The following WWOX variants were observed in gnomAD, a reference collection of about 807,000 sequenced individuals.
The protein encoded by WWOX is WW domain-containing oxidoreductase.
A neutral mutation model predicts 46.2 loss-of-function variants in WWOX; 69 were observed. That is an observed-to-expected ratio of 1.49 (90% CI 1.23 to 1.82). The LOEUF (loss-of-function observed/expected upper bound fraction) is 1.82. Ranked by LOEUF, WWOX falls within the 40% of genes most tolerant of loss-of-function variation. The pLI is 0.00. For missense variants in WWOX, 919 were observed against 542.6 expected, an observed-to-expected ratio of 1.69 and a Z score of -6.89; for synonymous variants, 359 against 202.6, an observed-to-expected ratio of 1.77 and a Z score of -6.56.
chr16:78,487,082 G>T (rs112059584), intron 8 of WWOX, among the ~76,000 whole-genome samples: 4 of 152,122 alleles, frequency 2.6e-5, no homozygotes, highest in East Asian at 3.9e-4. Flanking sequence ...TGATATTAAG[G>T]ACAACAGTAT....
intron 4 of WWOX, among the ~76,000 whole-genome samples, chr16:78,149,017 G>T (rs1883713722): frequency 6.6e-6 from 1 of 150,644 alleles, no homozygotes; most frequent in African/African-American, 2.4e-5. Context: ...TTTTGAGACA[G>T]AATCTGCTCC....
At chr16:78,938,426 C>G (rs1013253241) in intron 8 of WWOX, among the ~76,000 whole-genome samples, 1 of 151,662 alleles carries the variant, frequency 6.6e-6, no homozygotes, top group African/African-American at 2.4e-5. Context: ...AGCTTGAGGA[C>G]CTTTGTGTGA....
intron 5 of WWOX, among the ~76,000 whole-genome samples, chr16:78,176,894 A>T (rs1370577150): frequency 2.6e-5 from 4 of 152,208 alleles, no homozygotes; most frequent in African/African-American, 4.8e-5. Flanking sequence ...GTGGTGTTTC[A>T]TTGATTAAAC....
At chr16:78,528,084 T>C (rs1289853796) in intron 8 of WWOX, among the ~76,000 whole-genome samples, 1 of 141,398 alleles carries the variant, frequency 7.1e-6, no homozygotes, top group Non-Finnish European at 1.5e-5. Flanking sequence ...CTGCAAGTTC[T>C]GCCTCCTGGG....
intron 8 of WWOX, among the ~76,000 whole-genome samples, chr16:78,901,033 A>G (rs2044818997): frequency 6.6e-6 from 1 of 152,202 alleles, no homozygotes. Flanking sequence ...AGAATGGACC[A>G]CTGCTCTCTT....
At chr16:78,499,858 AC>A in intron 8 of WWOX, among the ~76,000 whole-genome samples, 1 of 152,020 alleles carries the variant, frequency 6.6e-6, no homozygotes, top group East Asian at 1.9e-4. Context: ...CATGCCATGG[AC>A]CCCTCCCTTA....
At chr16:78,824,739 G>A (rs1021333044) in intron 8 of WWOX, among the ~76,000 whole-genome samples, 3 of 152,056 alleles carry the variant, frequency 2.0e-5, no homozygotes, top group African/African-American at 4.8e-5. Flanking sequence ...AGGAAAGACC[G>A]GCCCACATGA....
intron 8 of WWOX, among the ~76,000 whole-genome samples, chr16:79,048,545 G>T (rs1597323485): frequency 6.6e-6 from 1 of 152,006 alleles, no homozygotes; most frequent in East Asian, 1.9e-4. Flanking sequence ...GGTATCAATT[G>T]TTTGGCTAAA....
At chr16:79,057,083 A>G (rs904954947) in intron 8 of WWOX, among the ~76,000 whole-genome samples, 1 of 152,234 alleles carries the variant, frequency 6.6e-6, no homozygotes, top group African/African-American at 2.4e-5. Flanking sequence ...CCTGAATTGA[A>G]GAGCTTAACC....
At chr16:79,136,667 C>G (rs2049987343) in intron 8 of WWOX, among the ~76,000 whole-genome samples, 1 of 152,176 alleles carries the variant, frequency 6.6e-6, no homozygotes, top group Non-Finnish European at 1.5e-5. Context: ...GGGTGGGCAC[C>G]AGTTCCTCAC....
chr16:79,081,050 A>G (rs2048751516), intron 8 of WWOX, among the ~76,000 whole-genome samples: 2 of 152,188 alleles, frequency 1.3e-5, no homozygotes, highest in East Asian at 1.9e-4. Flanking sequence ...ATAGATTTGA[A>G]AACAACTATT....
chr16:78,554,823 G>T (rs1182952713), intron 8 of WWOX, among the ~76,000 whole-genome samples: 7 of 152,294 alleles, frequency 4.6e-5, no homozygotes, highest in African/African-American at 1.7e-4. Flanking sequence ...CAGAGCCCCT[G>T]ACTCTGAATG....
At position 78,356,618 on chromosome 16, in the gene WWOX, C is replaced by T. The variant is rs1001464378; in HGVS notation, c.517-30242C>T. 7.2e-5 allele frequency among the ~76,000 whole-genome samples: 11 copies of T among 152,280 alleles called. No individual in the cohort carries two copies. In the East Asian group the frequency reaches 1.9e-3, roughly 27 times the overall value. Reference sequence around the variant, plus strand: ...AAAGTTCCGGCTGGGCACGGTGGCTCACGCCTGTAATCCAAGCACTTTGGG... The same window carrying T: ...AAAGTTCCGGCTGGGCACGGTGGCTTACGCCTGTAATCCAAGCACTTTGGG... On this transcript the variant is annotated intron_variant, in intron 5 of 8. Coordinates refer to ENST00000566780, the MANE Select transcript of WWOX (RefSeq NM_016373.4).
chr16:78,788,366 C>T (rs2050508393), intron 8 of WWOX, among the ~76,000 whole-genome samples: 1 of 152,188 alleles, frequency 6.6e-6, no homozygotes, highest in African/African-American at 2.4e-5. Flanking sequence ...TGTCTCCTGT[C>T]CTTCTTTCAC....
chr16:78,426,670 G>A (rs4073161), intron 7 of WWOX, among the ~76,000 whole-genome samples: 25,723 of 151,798 alleles, frequency 0.17, 2,828 homozygotes, highest in East Asian at 0.3. Context: ...TATTATTACT[G>A]TTATTATTAT....
At chr16:78,374,521 T>C (rs1481169419) in intron 5 of WWOX, among the ~76,000 whole-genome samples, 2 of 140,702 alleles carry the variant, frequency 1.4e-5, no homozygotes, top group African/African-American at 2.6e-5. Context: ...ACTTTTTCTG[T>C]CTTGAATTTT....
At chr16:78,607,096 G>A (rs113669570) in intron 8 of WWOX, among the ~76,000 whole-genome samples, 9 of 151,988 alleles carry the variant, frequency 5.9e-5, no homozygotes, top group Non-Finnish European at 1.0e-4. Flanking sequence ...TGCCAGAAAT[G>A]GAATGATTCA....
intron 8 of WWOX, among the ~76,000 whole-genome samples, chr16:78,776,216 G>A (rs1038606656): frequency 1.3e-5 from 2 of 152,092 alleles, no homozygotes; most frequent in Non-Finnish European, 2.9e-5. Context: ...AACAACTTTT[G>A]TGTCTAAGGA....
intron 1 of WWOX, among the ~76,000 whole-genome samples, chr16:78,103,498 C>A (rs1389604950): frequency 6.6e-6 from 1 of 152,082 alleles, no homozygotes; most frequent in African/African-American, 2.4e-5. Context: ...GCCCTCAGTT[C>A]TCTGGATCAG....
Sources: allele counts gnomAD v4.1 joint callset (sites outside exome capture counted in the v4.1 genomes callset), GRCh38; gene constraint gnomAD v4.1.1; transcripts MANE v1.5; gene names NCBI Gene and HGNC (gene_info 2026-07-23, HGNC 2026-07-21).